Variants in UBXN6 observed in about 807,000 individuals in gnomAD.
The protein encoded by UBXN6 is UBX domain protein 6.
Under a neutral mutation model 51.4 loss-of-function variants are expected in UBXN6, and 44 were observed. The ratio of observed to expected loss-of-function variants is 0.86; its 90% CI spans 0.67 to 1.10. UBXN6 has a LOEUF of 1.10. UBXN6 is among the 50% of genes least tolerant of loss of function. The pLI, the probability that UBXN6 is intolerant of heterozygous loss-of-function variation, is 0.00. For synonymous variants in UBXN6, 316 were observed against 263.2 expected, an observed-to-expected ratio of 1.20 and a Z score of -1.94; for missense variants, 672 against 596.1, an observed-to-expected ratio of 1.13 and a Z score of -1.32.
In UBXN6 at chr19:4,446,388, C is replaced by G. The variant is rs375533590; in HGVS notation, c.946G>C (p.Val316Leu). 299 of 1,577,024 alleles carry G rather than the reference C, an allele frequency of 1.9e-4. 5 individuals carry two copies. The Middle Eastern group carries it at 2.7e-3, about 14-fold the overall frequency. Residue 316 changes from valine (V) to leucine (L), a missense_variant, in exon 9 of 11, where the codon GTG becomes CTG. Coordinates refer to ENST00000301281, the MANE Select transcript of UBXN6 (RefSeq NM_025241.3). ...TCCCGCATGGCCTTGGTCCGCAGCA[C>G]GCTCAGCCGCTCCACCGCCTCGGAC... The part of the protein sequence containing the change: ...LRSEAVERLS[V>L]LRTKAMREKE...
At chr19:4,448,828 C>T (rs1019075702) in intron 4 of UBXN6, 4 of 208,618 alleles carry the variant, frequency 1.9e-5, no homozygotes, top group Non-Finnish European at 3.0e-5. Context: ...CCATGATGGA[C>T]GTTCTGGAAC....
rs949991134 is a variant in UBXN6, at chr19:4,457,661, T to C, written c.37A>G (p.Lys13Glu). 1 of 1,599,894 alleles carries C rather than the reference T, an allele frequency of 6.3e-7. No homozygotes were observed. Among genetic ancestry groups the C allele is most frequent in the Non-Finnish European group, 8.5e-7 (1 of 1,174,264 alleles). Reference sequence around the variant, plus strand: ...TGACCGGGTCCCGCGCTCTTGAACTTGATGTCGGCCTTGAACTCCTGAAAG... The same window carrying C: ...TGACCGGGTCCCGCGCTCTTGAACTCGATGTCGGCCTTGAACTCCTGAAAG... ...KFFQEFKADI[K>E]FKSAGPGQKL... Residue 13 changes from lysine (K) to glutamate (E), a missense_variant, in exon 1 of 11, where the codon AAG (lysine) becomes GAG (glutamate). By Grantham distance (56) the Lys-to-Glu change is moderately conservative (BLOSUM62 1). Coordinates refer to ENST00000301281, the MANE Select transcript of UBXN6 (RefSeq NM_025241.3).
chr19:4,445,834 G>T, intron 10 of UBXN6: 2 of 1,037,152 alleles, frequency 1.9e-6, no homozygotes, highest in Non-Finnish European at 2.7e-6. Context: ...GCACGTCACC[G>T]CTCCCATTTG....
Sources: allele counts gnomAD v4.1 joint callset, GRCh38; gene constraint gnomAD v4.1.1; transcripts MANE v1.5; gene names NCBI Gene and HGNC (gene_info 2026-07-23, HGNC 2026-07-21).